C10orf67: variants seen among roughly 807,000 people sequenced by gnomAD.
C10orf67 encodes the protein uncharacterized protein C10orf67, mitochondrial.
Under a neutral mutation model 35.6 loss-of-function variants are expected in C10orf67, and 60 were observed. That is an observed-to-expected ratio of 1.68 (90% CI 1.37 to 2.09). The LOEUF is 2.09. Among genes scored for constraint, C10orf67 ranks in the 30% most tolerant of loss-of-function variants. C10orf67 has a pLI of 0.00. For synonymous variants in C10orf67, 167 were observed against 115.8 expected, an observed-to-expected ratio of 1.44 and a Z score of -2.84; for missense variants, 474 against 330.2, an observed-to-expected ratio of 1.44 and a Z score of -3.38.
At position 23,291,971 on chromosome 10, in the gene C10orf67, A is replaced by G. The variant is rs541473353; in HGVS notation, c.703-692T>C. ...ATTGAAGACTTTGGTTTAAATCTCT[A>G]TGCAAACAGTGATTACCTTGTAAGA... On this transcript the variant is annotated intron_variant, in intron 5 of 15. Coordinates refer to ENST00000636213, the MANE Select transcript of C10orf67 (RefSeq NM_001371909.1). 1.4e-3 allele frequency among the ~76,000 whole-genome samples: 214 copies of G among 152,216 alleles called. 1 individual carries two copies. Among genetic ancestry groups the G allele is most frequent in the African/African-American group, 4.9e-3 (205 of 41,546 alleles).
At chr10:23,323,231 G>C (rs536997229) in intron 2 of C10orf67, among the ~76,000 whole-genome samples, 3 of 152,300 alleles carry the variant, frequency 2.0e-5, no homozygotes, top group South Asian at 4.2e-4. Context: ...CATTTGCTGA[G>C]AATCTACTAG....
In C10orf67 at chr10:23,261,949, T is replaced by C. The variant is rs555239616; in HGVS notation, c.1200+4313A>G. ...AAGTTCCTAAAGAAAACAAAATTGA[T>C]GTGTTATAACTCACATAGACTTATT... On this transcript the variant is annotated intron_variant, in intron 10 of 15. Coordinates refer to ENST00000636213, the MANE Select transcript of C10orf67 (RefSeq NM_001371909.1). Among the ~76,000 whole-genome samples, 6 of 152,318 alleles carry C rather than the reference T, an allele frequency of 3.9e-5. No individual in the cohort carries two copies. The East Asian group carries it at 9.6e-4, about 24-fold the overall frequency.
intron 15 of C10orf67, among the ~76,000 whole-genome samples, chr10:23,221,250 G>A (rs1401236942): frequency 2.0e-5 from 3 of 152,076 alleles, no homozygotes; most frequent in Non-Finnish European, 4.4e-5. Flanking sequence ...GAGAGACAGC[G>A]AAGTGCCACA....
intron 5 of C10orf67, among the ~76,000 whole-genome samples, chr10:23,302,375 A>G (rs1254960037): frequency 6.6e-6 from 1 of 152,130 alleles, no homozygotes; most frequent in Non-Finnish European, 1.5e-5. Flanking sequence ...TGGTTCATGT[A>G]CCATCTTTAC....
Position 23,344,771 on chromosome 10 carries a change from C to G in C10orf67, c.4G>C (p.Ala2Pro). ...TGAGCCCTGCGATCCCGGACCAAGG[C>G]CATCATAAGAGGAGAGCAGGCTGCC... MALVRDRRAHYV... is the reference protein window; with the variant it reads MPLVRDRRAHYV... The change falls in exon 1 of 16, where the codon GCC (alanine) becomes CCC (proline). Residue 2 changes from alanine (A) to proline (P), a missense_variant. Transcript: ENST00000636213. 1 of 1,559,336 alleles carries G rather than the reference C, an allele frequency of 6.4e-7. No individual in the cohort carries two copies. Among genetic ancestry groups the G allele is most frequent in the African/African-American group, 1.4e-5 (1 of 73,446 alleles).
At chr10:23,232,740 G>A (rs1169858767) in intron 13 of C10orf67, among the ~76,000 whole-genome samples, 2 of 152,118 alleles carry the variant, frequency 1.3e-5, no homozygotes, top group Admixed American at 6.6e-5. Context: ...AGAACAAAGA[G>A]GATAACATGA....
At chr10:23,271,275 T>C (rs896676427) in intron 8 of C10orf67, among the ~76,000 whole-genome samples, 6 of 152,220 alleles carry the variant, frequency 3.9e-5, no homozygotes, top group Non-Finnish European at 8.8e-5. Context: ...TCAAAAAGCA[T>C]GCTCTTAGAG....
chr10:23,294,835 C>A (rs1276628958), intron 5 of C10orf67, among the ~76,000 whole-genome samples: 1 of 151,790 alleles, frequency 6.6e-6, no homozygotes, highest in African/African-American at 2.4e-5. Context: ...TTTTAAAATA[C>A]CACTAGAGGG....
intron 4 of C10orf67, among the ~76,000 whole-genome samples, chr10:23,313,367 T>C (rs1204497527): frequency 1.3e-5 from 2 of 152,228 alleles, no homozygotes; most frequent in Non-Finnish European, 2.9e-5. Context: ...ATGGATTGCC[T>C]TTATTCTAGG....
chr10:23,232,807 A>G (rs1841946761), intron 13 of C10orf67, among the ~76,000 whole-genome samples: 2 of 152,200 alleles, frequency 1.3e-5, no homozygotes, highest in Admixed American at 1.3e-4. Flanking sequence ...CTGACCCACA[A>G]TAGTGTTTCT....
intron 2 of C10orf67, 82 bp from the exon 3 acceptor site, chr10:23,322,619 G>C (rs772207619): frequency 4.5e-6 from 4 of 880,036 alleles, no homozygotes; most frequent in African/African-American, 1.7e-5. Flanking sequence ...TGCTAAGTGG[G>C]AGCAAAATGA....
chr10:23,242,091 C>T (rs529405246), intron 12 of C10orf67, among the ~76,000 whole-genome samples: 2 of 152,182 alleles, frequency 1.3e-5, no homozygotes, highest in East Asian at 1.9e-4. Flanking sequence ...CCTGCCTCAG[C>T]CTCCTAAGTA....
chr10:23,258,671 A>T (rs1476875343), intron 10 of C10orf67: 1 of 152,278 alleles, frequency 6.6e-6, no homozygotes, highest in African/African-American at 2.4e-5. Flanking sequence ...AACATTGGCC[A>T]GATTTTATGG....
At chr10:23,342,744 C>G (rs374656871) in intron 1 of C10orf67, among the ~76,000 whole-genome samples, 48 of 152,322 alleles carry the variant, frequency 3.2e-4, no homozygotes, top group African/African-American at 1.1e-3. Context: ...GCACCCTGAC[C>G]CATTTTAACA....
chr10:23,261,310 T>A (rs1294601785), intron 10 of C10orf67, among the ~76,000 whole-genome samples: 1 of 152,198 alleles, frequency 6.6e-6, no homozygotes, highest in South Asian at 2.1e-4. Context: ...AAACTGTTTT[T>A]AAGACACATT....
intron 8 of C10orf67, among the ~76,000 whole-genome samples, chr10:23,269,861 A>T (rs2132206976): frequency 6.6e-6 from 1 of 152,272 alleles, no homozygotes; most frequent in Middle Eastern, 3.4e-3. Flanking sequence ...GTGCCTAATA[A>T]CAGAGCTAAA....
At chr10:23,306,530 G>GAAAA (rs61468201) in intron 4 of C10orf67, among the ~76,000 whole-genome samples, 35 of 55,906 alleles carry the variant, frequency 6.3e-4, no homozygotes, top group Admixed American at 9.9e-4. Flanking sequence ...CTCCATCTCA[G>GAAAA]AAAAAAAAAA....
chr10:23,273,163 G>A (rs879349079), intron 8 of C10orf67, among the ~76,000 whole-genome samples: 10 of 152,168 alleles, frequency 6.6e-5, no homozygotes, highest in Non-Finnish European at 1.2e-4. Context: ...CAATCTGGAT[G>A]TTATTTATTT....
rs570193381 is a variant in C10orf67 at position 23,298,798 on chromosome 10, C to G, written c.702+4506G>C. ...AGGTAGCAAGGAAATTTAAGAGCAC[C>G]TGGGTGGCTTGATGACACAAGGTTT... On this transcript the variant is annotated intron_variant, in intron 5 of 15. Transcript: ENST00000636213. Among the ~76,000 whole-genome samples, 122 of 149,282 alleles carry G rather than the reference C, an allele frequency of 8.2e-4. 2 individuals carry two copies. The highest frequency in any genetic ancestry group is 3.2e-3 in the Admixed American group (48 of 14,904).
Sources: gnomAD v4.1 joint callset for allele counts (sites outside exome capture counted in the v4.1 genomes callset) on GRCh38, gnomAD v4.1.1 for gene constraint, MANE v1.5 for transcripts, NCBI Gene and HGNC (gene_info 2026-07-23, HGNC 2026-07-21) for gene names.